Variants in COL24A1 observed in about 807,000 individuals in gnomAD.
The protein encoded by COL24A1 is collagen alpha-1(XXIV) chain.
COL24A1 carries 224 observed loss-of-function variants against 253.9 expected under a neutral mutation model. The ratio of observed to expected loss-of-function variants is 0.88; its 90% confidence interval spans 0.79 to 0.99. COL24A1 has a LOEUF of 0.99. Among genes scored for constraint, COL24A1 ranks in the 50% least tolerant of loss-of-function variants. The pLI, the probability that COL24A1 is intolerant of heterozygous loss-of-function variation, is 0.00. For synonymous variants in COL24A1, 685 were observed against 673.7 expected (o/e 1.02, Z -0.26); for missense variants, 2,131 against 2,068.5 (o/e 1.03, Z -0.59).
At chr1:85,800,823 C>T (rs1315712008) in intron 47 of COL24A1, among the ~76,000 whole-genome samples, 22 of 152,236 alleles carry the variant, frequency 1.4e-4, no homozygotes, top group Admixed American at 1.4e-3. Flanking sequence ...AGCATGCATC[C>T]TTGTTTCAAG....
At chr1:85,764,048 T>C (rs1427495649) in intron 53 of COL24A1, among the ~76,000 whole-genome samples, 1 of 152,224 alleles carries the variant, frequency 6.6e-6, no homozygotes, top group Non-Finnish European at 1.5e-5. Flanking sequence ...TGTCATTTCC[T>C]TTATGTCATT....
At position 85,900,945 on chromosome 1, in the gene COL24A1, C is replaced by T. The variant is rs373298951; in HGVS notation, c.2779-4536G>A. 5.7e-4 allele frequency among the ~76,000 whole-genome samples: 87 copies of T among 152,216 alleles called. 2 individuals carry two copies. Among genetic ancestry groups the T allele is most frequent in the African/African-American group, 2.0e-3 (85 of 41,556 alleles). On this transcript the variant is annotated intron_variant, in intron 28 of 59. Coordinates refer to ENST00000370571, the MANE Select transcript of COL24A1 (RefSeq NM_152890.7). ...AAGACTTAAATATGAAGACTTGGAA[C>T]TATAAAACTTCCAGAAGAAAAAGGG...
intron 14 of COL24A1, chr1:86,030,091 GAAAACAAAAGGAAACA>G (rs549323319): frequency 6.6e-6 from 1 of 151,484 alleles, no homozygotes; most frequent in Admixed American, 6.6e-5. Context: ...AGGCCAAAAC[GAAAACAAAAGGAAACA>G]AAAACAAAAC....
In COL24A1 at chr1:85,849,372, C is replaced by G. The variant is rs752726747; in HGVS notation, c.3335G>C (p.Arg1112Thr). The change falls in exon 38 of 60, where the codon AGA becomes ACA. Residue 1112 changes from arginine (R) to threonine (T), a missense_variant. Coordinates refer to ENST00000370571, the MANE Select transcript of COL24A1 (RefSeq NM_152890.7). Reference protein sequence around the residue: ...PEGIVGIPGQRGRPGKKGDKG... With the variant: ...PEGIVGIPGQTGRPGKKGDKG... ...AATTACCTTTTTTCCTGGACGACCT[C>G]TTTGCCCTGGAATTCCCACAATTCC... is the stretch of plus-strand genomic sequence containing the variant. The G allele has an allele frequency of 1.2e-6, 2 of 1,612,922 alleles. No individual in the cohort carries two copies. Among genetic ancestry groups the G allele is most frequent in the South Asian group, 2.2e-5 (2 of 90,890 alleles).
chr1:86,097,632 A>C (rs1366119522), intron 5 of COL24A1, among the ~76,000 whole-genome samples: 19 of 64,420 alleles, frequency 2.9e-4, no homozygotes, highest in Middle Eastern at 0.017. Context: ...TCTTTTTCTT[A>C]TTCTTATTCT....
intron 47 of COL24A1, among the ~76,000 whole-genome samples, chr1:85,788,128 T>C (rs1669875830): frequency 6.6e-6 from 1 of 152,112 alleles, no homozygotes; most frequent in East Asian, 1.9e-4. Flanking sequence ...TCACGCTCAG[T>C]CACCCAGGCT....
chr1:85,857,546 G>A lies in COL24A1; in HGVS notation c.3301-8140C>T, dbSNP rs1043459587. Reference sequence around the variant, plus strand: ...ATCATCAGCAGAAACCATCAGGGTAGGCGGTGAGGGAAGATTACCCTGTCC... The same window carrying A: ...ATCATCAGCAGAAACCATCAGGGTAAGCGGTGAGGGAAGATTACCCTGTCC... On this transcript the variant is annotated intron_variant, in intron 37 of 59. Coordinates refer to ENST00000370571, the MANE Select transcript of COL24A1 (RefSeq NM_152890.7). 2.0e-5 allele frequency among the ~76,000 whole-genome samples: 3 copies of A among 151,414 alleles called. No individual in the cohort carries two copies. The East Asian group carries it at 5.8e-4, about 29-fold the overall frequency.
At chr1:85,828,952 T>C (rs964338318) in intron 43 of COL24A1, among the ~76,000 whole-genome samples, 1 of 151,684 alleles carries the variant, frequency 6.6e-6, no homozygotes, top group South Asian at 2.1e-4. Flanking sequence ...ATGTGTGAAT[T>C]TGATCCTGTC....
chr1:85,783,357 G>A, intron 51 of COL24A1, 139 bp downstream of exon 51: 1 of 624,360 alleles, frequency 1.6e-6, no homozygotes. Context: ...ATTGAATTCT[G>A]CATGTGCCCT....
At chr1:85,894,237 T>C (rs977097464) in intron 31 of COL24A1, among the ~76,000 whole-genome samples, 4 of 152,190 alleles carry the variant, frequency 2.6e-5, no homozygotes, top group African/African-American at 9.7e-5. Flanking sequence ...TCAACAACTA[T>C]TATAAATTCA....
At chr1:86,005,486 G>C (rs889422221) in intron 19 of COL24A1, among the ~76,000 whole-genome samples, 1 of 151,886 alleles carries the variant, frequency 6.6e-6, no homozygotes, top group South Asian at 2.1e-4. Flanking sequence ...AATAATTATT[G>C]GGTGAGAAGG....
chr1:85,778,507 A>G (rs545627327), intron 52 of COL24A1, among the ~76,000 whole-genome samples: 1 of 152,232 alleles, frequency 6.6e-6, no homozygotes, highest in East Asian at 1.9e-4. Flanking sequence ...TTCCATACAA[A>G]ATGAAAAAAA....
At chr1:85,738,666 A>C (rs1179662569) in intron 57 of COL24A1, among the ~76,000 whole-genome samples, 1 of 152,096 alleles carries the variant, frequency 6.6e-6, no homozygotes, top group Non-Finnish European at 1.5e-5. Context: ...GTTTTTGTTA[A>C]ATGTCATTTT....
In COL24A1 at chr1:85,788,153, C is replaced by T. The variant is rs567746863; in HGVS notation, c.3952-1692G>A. ...TCACCCAGGCTGGAGTGCAGTGGTG[C>T]GATCTCGGCTCACTGCAAGCTCCAC... On this transcript the variant is annotated intron_variant, in intron 47 of 59. Transcript: ENST00000370571. Among the ~76,000 whole-genome samples the T allele has an allele frequency of 7.7e-4, 117 of 152,090 alleles. 1 individual carries two copies. The Middle Eastern group carries it at 0.014, about 18-fold the overall frequency.
chr1:85,851,738 T>C (rs1001406594), intron 37 of COL24A1, among the ~76,000 whole-genome samples: 1 of 152,182 alleles, frequency 6.6e-6, no homozygotes, highest in African/African-American at 2.4e-5. Context: ...GAATTTCTGG[T>C]TCCTATCTTG....
chr1:86,101,464 TG>T lies in COL24A1; in HGVS notation c.1600-9145del, dbSNP rs1274592787. On this transcript the variant is annotated intron_variant, in intron 5 of 59. Transcript: ENST00000370571. ...GAGAGAGGGCATACTTGTCTTATGCTGGTTTTCAAGGGTAATGCTTCCAGCT... is the reference window on the plus strand; with the variant it reads ...GAGAGAGGGCATACTTGTCTTATGCTGTTTTCAAGGGTAATGCTTCCAGCT... Among the ~76,000 whole-genome samples the T allele has an allele frequency of 7.2e-5, 11 of 152,272 alleles. No individual in the cohort carries two copies. The South Asian group carries it at 1.5e-3, about 20-fold the overall frequency.
At chr1:85,833,408 A>G (rs1675588002) in intron 43 of COL24A1, among the ~76,000 whole-genome samples, 1 of 152,312 alleles carries the variant, frequency 6.6e-6, no homozygotes, top group South Asian at 2.1e-4. Context: ...AATCAAAACC[A>G]CAATGAGATA....
intron 37 of COL24A1, among the ~76,000 whole-genome samples, chr1:85,860,722 C>G (rs113318459): frequency 0.027 from 4,074 of 152,288 alleles, 176 homozygotes; most frequent in African/African-American, 0.092. Context: ...GCCTGGGCGA[C>G]AGAGCAAGAC....
At chr1:85,927,089 G>T (rs978234235) in intron 24 of COL24A1, among the ~76,000 whole-genome samples, 4 of 152,014 alleles carry the variant, frequency 2.6e-5, no homozygotes, top group African/African-American at 4.8e-5. Flanking sequence ...CAAGACGGCC[G>T]AATAGGAACA....
Sources: gnomAD v4.1 joint callset for allele counts (sites outside exome capture counted in the v4.1 genomes callset) on GRCh38, gnomAD v4.1.1 for gene constraint, MANE v1.5 for transcripts, NCBI Gene and HGNC (gene_info 2026-07-23, HGNC 2026-07-21) for gene names.